Variants in SERHL2 observed in about 807,000 individuals in gnomAD.
The protein encoded by SERHL2 is serine hydrolase-like protein 2.
A neutral mutation model predicts 25.5 loss-of-function variants in SERHL2; 29 were observed. That is an observed-to-expected ratio of 1.14 (90% CI 0.85 to 1.55). The LOEUF is 1.55. Among genes scored for constraint, SERHL2 ranks in the 40% most tolerant of loss-of-function variants. SERHL2 has a pLI of 0.00. For missense variants in SERHL2, 240 were observed against 252.3 expected (o/e 0.95, Z 0.33); for synonymous variants, 95 against 103.5 (o/e 0.92, Z 0.50).
intron 11 of SERHL2, chr22:42,573,490 ACCTTGGCCTCCCGCCTG>A (rs905920837): frequency 4.6e-4 from 76 of 166,320 alleles, no homozygotes; most frequent in Admixed American, 1.5e-3. Context: ...TGATCCGCCC[ACCTTGGCCTCCCGCCTG>A]CCTTGGCCTC....
At chr22:42,562,565 C>G (rs1366622862) in intron 8 of SERHL2, among the ~76,000 whole-genome samples, 1 of 151,504 alleles carries the variant, frequency 6.6e-6, no homozygotes, top group South Asian at 2.1e-4. Context: ...GGGAGGGCAG[C>G]GAGCATTGTT....
At chr22:42,560,101 C>A in intron 7 of SERHL2, 85 bp from the exon 8 acceptor site, 1 of 990,254 alleles carries the variant, frequency 1.0e-6, no homozygotes, top group Non-Finnish European at 1.6e-6. Flanking sequence ...CATGAGCCAC[C>A]GTCCCCCCCG....
chr22:42,573,160 G>GC (rs1924479850), intron 11 of SERHL2: 1 of 151,734 alleles, frequency 6.6e-6, no homozygotes, highest in Non-Finnish European at 1.5e-5. Context: ...AGGTTTCTTG[G>GC]CATTGTCACA....
At position 42,560,379 on chromosome 22, in the gene SERHL2, AC is replaced by A. The variant is rs1464654348; in HGVS notation, c.613+115del. ...CTAAGCGCTTTGCAAACAGCATCTC[AC>A]TGAATCCCCCTCCTGCCTCACCCTC... On this transcript the variant is annotated intron_variant, in intron 8 of 11. Transcript: ENST00000327678. 3 of 750,456 alleles carry A rather than the reference AC, an allele frequency of 4.0e-6. No homozygotes were observed. In the African/African-American group the frequency reaches 5.1e-5, roughly 13 times the overall value. 46.5% of individuals were successfully genotyped at this position (750,456 alleles called of 1,614,324 possible).
intron 8 of SERHL2, 42 bp from the exon 9 acceptor site, chr22:42,566,262 T>G (rs777269777): frequency 1.3e-6 from 2 of 1,598,282 alleles, no homozygotes; most frequent in Non-Finnish European, 1.7e-6. Flanking sequence ...CTGACCCTGA[T>G]GGACAGCATT....
At position 42,566,302 on chromosome 22, in the gene SERHL2, AG is replaced by A. The variant is rs760405357; in HGVS notation, c.614del. The A allele has an allele frequency of 6.2e-7, 1 of 1,611,876 alleles. No individual in the cohort carries two copies. On this transcript the variant is annotated splice_acceptor_variant, in intron 8 of 11. Transcript: ENST00000327678. LOFTEE classifies it high-confidence loss of function. ...CTGCTGTCTTTGTGCTTCCGCCTCC[AG>A]GTCTGGTTCTGAACAGAGACCAGAG... is the stretch of plus-strand genomic sequence containing the variant.
Position 42,553,985 on chromosome 22 carries a change from A to G in SERHL2, c.-36A>G, listed in dbSNP as rs766294879. On this transcript the variant is annotated 5_prime_UTR_variant, in exon 1 of 12. Coordinates refer to ENST00000327678, the MANE Select transcript of SERHL2 (RefSeq NM_014509.5). ...TGCTCCTGCGACCTAGCCAGGCGTG[A>G]GGGAGTGACAGCAGCGCATTCGCGG... is the stretch of plus-strand genomic sequence containing the variant. 26 of 1,612,684 alleles carry G rather than the reference A, an allele frequency of 1.6e-5. No individual in the cohort carries two copies. In the South Asian group the frequency reaches 2.7e-4, roughly 17 times the overall value.
At chr22:42,573,483 T>TCCGCCCACCTTGGCCTC (rs1045791101) in intron 11 of SERHL2, 2 of 164,576 alleles carry the variant, frequency 1.2e-5, no homozygotes, top group Non-Finnish European at 2.6e-5. Flanking sequence ...GACCTCGTGA[T>TCCGCCCACCTTGGCCTC]CCGCCCACCT....
rs184240065 is a variant in SERHL2 at position 42,566,353 on chromosome 22, C to T, written c.648+15C>T. 209 of 1,610,662 alleles carry T rather than the reference C, an allele frequency of 1.3e-4. No homozygotes were observed. The African/African-American group carries it at 2.4e-3, about 18-fold the overall frequency. On this transcript the variant is annotated intron_variant, in intron 9 of 11. Coordinates refer to ENST00000327678, the MANE Select transcript of SERHL2 (RefSeq NM_014509.5). ...GGCTCGCCTGGGTGAGTACCACTGC[C>T]TCCGGGTCCCCCGCCAAGGTTTGCC...
In SERHL2 at chr22:42,572,042, C is replaced by G. The variant is rs1404659624; in HGVS notation, c.732-394C>G. On this transcript the variant is annotated intron_variant, in intron 10 of 11. Coordinates refer to ENST00000327678, the MANE Select transcript of SERHL2 (RefSeq NM_014509.5). ...TGTCCTGTAATTGTGACGATGGTCT[C>G]ACAACTCAATGTATTAAAAACCACA... 3 of 155,302 alleles carry G rather than the reference C, an allele frequency of 1.9e-5. 1 individual carries two copies. The highest frequency in any genetic ancestry group is 4.3e-5 in the Non-Finnish European group (3 of 70,404). 9.6% of individuals were successfully genotyped at this position (155,302 alleles called of 1,614,324 possible).
chr22:42,567,689 TAAAAA>T (rs963668631), intron 9 of SERHL2, among the ~76,000 whole-genome samples: 1 of 149,838 alleles, frequency 6.7e-6, no homozygotes, highest in African/African-American at 2.5e-5. Flanking sequence ...AATAAATAAA[TAAAAA>T]AAATAAAAGT....
chr22:42,570,557 A>C (rs1267195022), intron 9 of SERHL2, among the ~76,000 whole-genome samples: 1 of 152,218 alleles, frequency 6.6e-6, no homozygotes, highest in African/African-American at 2.4e-5. Context: ...CCTACAGCAC[A>C]TCTCACTCAA....
chr22:42,554,113 G>A lies in SERHL2; in HGVS notation c.22+71G>A, dbSNP rs1921933914. On this transcript the variant is annotated intron_variant, in intron 1 of 11. Coordinates refer to ENST00000327678, the MANE Select transcript of SERHL2 (RefSeq NM_014509.5). ...TGGTTGGGACAGTAGAAGAGGGCGGGATGGAGTGGAGGGTTCGCCGACCGC... is the reference window on the plus strand; with the variant it reads ...TGGTTGGGACAGTAGAAGAGGGCGGAATGGAGTGGAGGGTTCGCCGACCGC... The A allele has an allele frequency of 1.3e-5, 21 of 1,562,928 alleles. No individual in the cohort carries two copies. The South Asian group carries it at 2.3e-4, about 17-fold the overall frequency.
At position 42,556,555 on chromosome 22, in the gene SERHL2, G is replaced by A. The variant is rs776170176; in HGVS notation, c.390G>A (p.Leu130=). Reference sequence around the variant, plus strand: ...CCGAGATGGTGGATAAACTTATCTTGCTGGACACGCCGCTCTTTCTCCTGG... The same window carrying A: ...CCGAGATGGTGGATAAACTTATCTTACTGGACACGCCGCTCTTTCTCCTGG... The part of the protein sequence containing the change: ...TFPEMVDKLI[L]LDTPLFLLES... The change falls in exon 6 of 12, where the codon TTG becomes TTA. Residue 130 remains leucine, a synonymous_variant. Transcript: ENST00000327678. 1.2e-5 allele frequency: 19 copies of A among 1,606,866 alleles called. No individual in the cohort carries two copies. The highest frequency in any genetic ancestry group is 1.6e-5 in the Non-Finnish European group (19 of 1,174,528).
At chr22:42,573,824 C>T in intron 11 of SERHL2, 112 bp from the exon 12 acceptor site, 1 of 999,518 alleles carries the variant, frequency 1.0e-6, no homozygotes, top group South Asian at 1.6e-5. Flanking sequence ...GTGGGAGGCG[C>T]TCCTGACCTG....
chr22:42,562,341 A>C (rs932571579), intron 8 of SERHL2, among the ~76,000 whole-genome samples: 2 of 151,850 alleles, frequency 1.3e-5, no homozygotes, highest in Non-Finnish European at 2.9e-5. Flanking sequence ...TCTGGAGCTT[A>C]AACAACCAAG....
intron 7 of SERHL2, among the ~76,000 whole-genome samples, chr22:42,559,484 G>T (rs114840250): frequency 6.6e-6 from 1 of 151,584 alleles, no homozygotes; most frequent in Admixed American, 6.6e-5. Context: ...GGCAGATTAC[G>T]AGGTCAGGAG....
chr22:42,570,699 G>A (rs1924048214), intron 9 of SERHL2, among the ~76,000 whole-genome samples: 2 of 152,154 alleles, frequency 1.3e-5, no homozygotes, highest in African/African-American at 4.8e-5. Context: ...TCTTCCTCCT[G>A]GCAAGAAGCC....
chr22:42,566,779 A>AGG (rs960881156), intron 9 of SERHL2, among the ~76,000 whole-genome samples: 1 of 152,110 alleles, frequency 6.6e-6, no homozygotes, highest in Non-Finnish European at 1.5e-5. Flanking sequence ...AAGATTAAAG[A>AGG]GGGGAGGGGC....
Sources: gnomAD v4.1 joint callset for allele counts (sites outside exome capture counted in the v4.1 genomes callset) on GRCh38, gnomAD v4.1.1 for gene constraint, MANE v1.5 for transcripts, NCBI Gene and HGNC (gene_info 2026-07-23, HGNC 2026-07-21) for gene names.